Variants in FAP observed in about 807,000 individuals in gnomAD.
The protein encoded by FAP is prolyl endopeptidase FAP.
In FAP, 110 loss-of-function variants were observed where a neutral mutation model predicts 126.5. The observed-to-expected ratio is 0.87, with a 90% CI of 0.74 to 1.02. The LOEUF is 1.02. Among genes scored for constraint, FAP ranks in the 50% least tolerant of loss-of-function variants. The pLI is 0.00. For missense variants in FAP, 919 were observed against 909.2 expected (o/e 1.01, Z -0.14); for synonymous variants, 334 against 297.3 (o/e 1.12, Z -1.27).
chr2:162,192,766 A>G (rs1357928539), intron 17 of FAP, among the ~76,000 whole-genome samples: 1 of 152,126 alleles, frequency 6.6e-6, no homozygotes, highest in East Asian at 1.9e-4. Context: ...GATCTCCACA[A>G]TGACTCCTCT....
chr2:162,215,972 T>G lies in FAP; in HGVS notation c.792A>C (p.Ile264=). ...CAGGGTAAGTGGTATCGATAATAAA[T>G]ATCCGAACAACGGGATTCTTAGCTC... ...KAGAKNPVVR[I]FIIDTTYPAY... is the part of the protein sequence containing the mutation. Residue 264 remains isoleucine (I), a synonymous_variant, in exon 10 of 26, where the codon ATA becomes ATC. Coordinates refer to ENST00000188790, the MANE Select transcript of FAP (RefSeq NM_004460.5). The G allele has an allele frequency of 6.2e-7, 1 of 1,614,042 alleles. No homozygotes were observed. Among genetic ancestry groups the G allele is most frequent in the Non-Finnish European group, 8.5e-7 (1 of 1,179,946 alleles).
chr2:162,218,322 C>T (rs1384306415), intron 8 of FAP, among the ~76,000 whole-genome samples, 182 bp from the exon 9 acceptor site: 1 of 152,096 alleles, frequency 6.6e-6, no homozygotes, highest in East Asian at 1.9e-4. Context: ...TACCCTTTCA[C>T]TCTATATCAA....
intron 22 of FAP, 61 bp from the exon 23 acceptor site, chr2:162,173,848 C>G: frequency 9.3e-7 from 1 of 1,077,282 alleles, no homozygotes; most frequent in East Asian, 2.4e-5. Flanking sequence ...CATTAACCAA[C>G]AAGACCTTCT....
chr2:162,211,033 C>T (rs1021412218), intron 11 of FAP, among the ~76,000 whole-genome samples: 2 of 152,166 alleles, frequency 1.3e-5, no homozygotes, highest in Non-Finnish European at 2.9e-5. Context: ...GCTAGGGATA[C>T]GGGCAGGAAA....
intron 11 of FAP, among the ~76,000 whole-genome samples, chr2:162,211,595 T>A (rs959938092): frequency 3.5e-4 from 54 of 152,138 alleles, no homozygotes; most frequent in African/African-American, 1.3e-3. Flanking sequence ...ACAGTCTGGA[T>A]TTTCTCTTAC....
chr2:162,201,579 T>C (rs189140549), intron 14 of FAP, among the ~76,000 whole-genome samples: 171 of 152,256 alleles, frequency 1.1e-3, no homozygotes, highest in Middle Eastern at 3.4e-3. Context: ...TCCCTGATTG[T>C]CTCCCTCTCT....
chr2:162,189,110 T>G lies in FAP; in HGVS notation c.1612A>C (p.Ile538Leu). The G allele has an allele frequency of 6.3e-7, 1 of 1,589,170 alleles. No homozygotes were observed. The highest frequency in any genetic ancestry group is 8.6e-7 in the Non-Finnish European group (1 of 1,161,782). The change falls in exon 19 of 26, where the codon ATT becomes CTT. Residue 538 changes from isoleucine to leucine, a missense_variant. Transcript: ENST00000188790. The part of the protein sequence containing the change: ...FDRSKKYPLL[I>L]QVYGGPCSQS... ...AAAGAAAATATTACATACACTTGAA[T>G]TAGCAAGGGATACTTCTTTGATCTG...
chr2:162,185,053 A>G (rs1348116345), intron 20 of FAP, among the ~76,000 whole-genome samples: 1 of 152,208 alleles, frequency 6.6e-6, no homozygotes, highest in African/African-American at 2.4e-5. Flanking sequence ...TAGCTAGATA[A>G]TCTTAGCACT....
At chr2:162,175,064 G>T in intron 21 of FAP, 98 bp from the exon 22 acceptor site, 1 of 805,490 alleles carries the variant, frequency 1.2e-6, no homozygotes, top group Non-Finnish European at 2.1e-6. Context: ...ACTGAAGGGA[G>T]CTGGAGAATA....
chr2:162,227,413 A>T (rs566431837), intron 2 of FAP, among the ~76,000 whole-genome samples: 1 of 152,144 alleles, frequency 6.6e-6, no homozygotes, highest in Non-Finnish European at 1.5e-5. Context: ...ACAAACATTC[A>T]TTACAGAGCC....
intron 2 of FAP, among the ~76,000 whole-genome samples, chr2:162,239,397 T>A (rs1690263291): frequency 6.6e-6 from 1 of 152,076 alleles, no homozygotes; most frequent in African/African-American, 2.4e-5. Flanking sequence ...TTCAGCTTCT[T>A]ATATCTTTCT....
At chr2:162,233,886 G>T (rs898040200) in intron 2 of FAP, among the ~76,000 whole-genome samples, 5 of 152,254 alleles carry the variant, frequency 3.3e-5, no homozygotes, top group South Asian at 4.1e-4. Flanking sequence ...GTTAATTTTT[G>T]TGTGTGGTGT....
intron 16 of FAP, among the ~76,000 whole-genome samples, chr2:162,196,628 T>A (rs1313036762): frequency 6.6e-6 from 1 of 151,786 alleles, no homozygotes; most frequent in Non-Finnish European, 1.5e-5. Context: ...TTGAGAAGCC[T>A]ACCTTGCATG....
At position 162,173,937 on chromosome 2, in the gene FAP, C is replaced by T. The variant is rs182743474; in HGVS notation, c.1970-150G>A. ...TGCTTTACTTTGCTATAATGGTTGGCCTCAAAGAATATGTGTCATCTCTGC... is the reference window on the plus strand; with the variant it reads ...TGCTTTACTTTGCTATAATGGTTGGTCTCAAAGAATATGTGTCATCTCTGC... On this transcript the variant is annotated intron_variant, in intron 22 of 25. Coordinates refer to ENST00000188790, the MANE Select transcript of FAP (RefSeq NM_004460.5). 2.7e-3 allele frequency: 1,748 copies of T among 640,696 alleles called. 11 individuals carry two copies. Among genetic ancestry groups the T allele is most frequent in the South Asian group, 5.7e-3 (281 of 48,908 alleles). The allele number at this position is 640,696 out of a possible 1,614,324, so 39.7% of individuals were successfully genotyped here.
intron 2 of FAP, among the ~76,000 whole-genome samples, chr2:162,240,564 G>A (rs1467429519): frequency 2.0e-5 from 3 of 152,156 alleles, no homozygotes. Context: ...TCAGCAACTG[G>A]CATGATGATG....
At chr2:162,190,091 G>A (rs576735711) in intron 17 of FAP, among the ~76,000 whole-genome samples, 26 of 152,006 alleles carry the variant, frequency 1.7e-4, no homozygotes, top group Non-Finnish European at 3.1e-4. Flanking sequence ...ACCTAAGCAG[G>A]TGATATTTCT....
At chr2:162,235,769 GCT>G (rs1008735164) in intron 2 of FAP, among the ~76,000 whole-genome samples, 2 of 152,080 alleles carry the variant, frequency 1.3e-5, no homozygotes, top group Admixed American at 1.3e-4. Context: ...TTGTTCTTTC[GCT>G]CTTTGCAATA....
rs77744911 is a variant in FAP, at chr2:162,210,015, C to G, written c.1003-19G>C. Reference sequence around the variant, plus strand: ...CCTGGGTCTAAAAGACAAAAGATCACATCGAACATAGTATTAGGAGAACAT... The same window carrying G: ...CCTGGGTCTAAAAGACAAAAGATCAGATCGAACATAGTATTAGGAGAACAT... On this transcript the variant is annotated intron_variant, in intron 11 of 25. Transcript: ENST00000188790. The G allele has an allele frequency of 5.0e-3, 8,026 of 1,609,182 alleles. 360 individuals are homozygous for G. In the African/African-American group the frequency reaches 0.094, roughly 19 times the overall value.
At chr2:162,172,255 C>G (rs912987988) in intron 25 of FAP, 4 of 152,176 alleles carry the variant, frequency 2.6e-5, no homozygotes, top group African/African-American at 9.7e-5. Context: ...TTTCTCATTC[C>G]TCAAGCAACC....
Sources: allele counts gnomAD v4.1 joint callset (sites outside exome capture counted in the v4.1 genomes callset), GRCh38; gene constraint gnomAD v4.1.1; transcripts MANE v1.5; gene names NCBI Gene and HGNC (gene_info 2026-07-23, HGNC 2026-07-21).